RUFY1: variants seen among roughly 807,000 people sequenced by gnomAD.
RUFY1 encodes the protein RUN and FYVE domain-containing protein 1.
RUFY1 carries 54 observed loss-of-function variants against 94.6 expected under a neutral mutation model. The ratio of observed to expected loss-of-function variants is 0.57; its 90% CI spans 0.46 to 0.72. The LOEUF (loss-of-function observed/expected upper bound fraction) is 0.72, where lower values mean the gene tolerates loss of function less well. RUFY1 is among the 30% of genes least tolerant of loss of function. RUFY1 has a pLI of 0.00. For synonymous variants in RUFY1, 396 were observed against 347.3 expected, an observed-to-expected ratio of 1.14 and a Z score of -1.56; for missense variants, 883 against 883.9, an observed-to-expected ratio of 1.00 and a Z score of 0.01.
chr5:179,607,343 C>T, intron 16 of RUFY1: 1 of 548,618 alleles, frequency 1.8e-6, no homozygotes, highest in Non-Finnish European at 3.3e-6. Context: ...CTGGAGGCCC[C>T]AGGGCAGCCT....
chr5:179,595,316 A>G (rs1442587384), intron 12 of RUFY1, among the ~76,000 whole-genome samples: 1 of 152,216 alleles, frequency 6.6e-6, no homozygotes, highest in African/African-American at 2.4e-5. Flanking sequence ...CGTCTCTACT[A>G]AAAATACAAA....
chr5:179,602,015 C>T (rs761830137), intron 15 of RUFY1, 29 bp downstream of exon 15: 7 of 1,541,918 alleles, frequency 4.5e-6, no homozygotes, highest in Middle Eastern at 1.9e-4. Context: ...TTGTCTGCCA[C>T]TGCAGGCACA....
At position 179,585,557 on chromosome 5, in the gene RUFY1, C is replaced by T. The variant is rs576889870; in HGVS notation, c.957-239C>T. Among the ~76,000 whole-genome samples the T allele has an allele frequency of 1.1e-3, 164 of 152,226 alleles. 2 individuals carry two copies. The highest frequency in any genetic ancestry group is 3.2e-3 in the African/African-American group (131 of 41,552). ...TCACTCCACTGCACTCTAGTCTGGG[C>T]GACAGAGCGAGACTTTGCCTCAAAA... is the stretch of plus-strand genomic sequence containing the variant. On this transcript the variant is annotated intron_variant, in intron 7 of 17. Transcript: ENST00000319449.
chr5:179,559,003 A>T (rs894678930), intron 1 of RUFY1, among the ~76,000 whole-genome samples: 17 of 152,226 alleles, frequency 1.1e-4, no homozygotes, highest in African/African-American at 4.1e-4. Context: ...GAATAAACAG[A>T]AGTTATTTAA....
chr5:179,555,557 C>A (rs911124481), intron 1 of RUFY1: 1 of 366,560 alleles, frequency 2.7e-6, no homozygotes, highest in Non-Finnish European at 5.4e-6. Flanking sequence ...CCACCCAGCG[C>A]TGATTGCCTG....
chr5:179,552,370 A>AT (rs1761909640), intron 1 of RUFY1, among the ~76,000 whole-genome samples: 1 of 152,066 alleles, frequency 6.6e-6, no homozygotes, highest in Non-Finnish European at 1.5e-5. Context: ...AGGCTTCCTG[A>AT]TTCCTCCCCA....
At position 179,609,245 on chromosome 5, in the gene RUFY1, C is replaced by T. The variant is rs142269215; in HGVS notation, c.1984-131C>T. On this transcript the variant is annotated intron_variant, in intron 17 of 17. Coordinates refer to ENST00000319449, the MANE Select transcript of RUFY1 (RefSeq NM_025158.5). Reference sequence around the variant, plus strand: ...AAAAAAGACCCTTGTTTGCACACAGCCCCTCACCACCCCACAGAAACATAA... The same window carrying T: ...AAAAAAGACCCTTGTTTGCACACAGTCCCTCACCACCCCACAGAAACATAA... 1,464 of 840,046 alleles carry T rather than the reference C, an allele frequency of 1.7e-3. 15 individuals carry two copies. The African/African-American group carries it at 0.021, about 12-fold the overall frequency. 52.0% of individuals were successfully genotyped at this position (840,046 alleles called of 1,614,324 possible). A position where few individuals can be genotyped will look rare whatever the true frequency, so the allele number is the denominator to read the frequency against.
At chr5:179,554,192 A>C (rs922973644) in intron 1 of RUFY1, among the ~76,000 whole-genome samples, 2 of 152,192 alleles carry the variant, frequency 1.3e-5, no homozygotes, top group Non-Finnish European at 2.9e-5. Context: ...ATATTTTTTC[A>C]ATGGTAGAAG....
chr5:179,603,265 CA>C (rs11336898), intron 15 of RUFY1, among the ~76,000 whole-genome samples: 121,079 of 145,872 alleles, frequency 0.83, 50,131 homozygotes, highest in East Asian at 0.94. Flanking sequence ...GAATCCATCT[CA>C]AAAAAAAAAA....
intron 12 of RUFY1, 142 bp downstream of exon 12, chr5:179,595,105 G>T (rs1488500846): frequency 3.3e-6 from 2 of 611,890 alleles, no homozygotes; most frequent in Non-Finnish European, 5.8e-6. Context: ...CACTTTGGGA[G>T]GCCGACGCGG....
intron 11 of RUFY1, 96 bp from the exon 12 acceptor site, chr5:179,594,760 CAAAAAAAAAA>C (rs57540208): frequency 1.2e-4 from 41 of 333,742 alleles, no homozygotes; most frequent in East Asian, 2.1e-4. Context: ...GACTCTGTCT[CAAAAAAAAAA>C]AAAAAAAAAA....
intron 4 of RUFY1, chr5:179,568,887 G>A (rs941195282): frequency 3.0e-5 from 9 of 304,402 alleles, no homozygotes; most frequent in Non-Finnish European, 3.9e-5. Context: ...ATGTTGCTCC[G>A]TGGGACGCAA....
chr5:179,595,408 T>C (rs1765532274), intron 12 of RUFY1, among the ~76,000 whole-genome samples: 1 of 152,060 alleles, frequency 6.6e-6, no homozygotes, highest in African/African-American at 2.4e-5. Context: ...AACAGATACT[T>C]CATCAAAGAC....
At chr5:179,579,657 C>CTTTTTTTTTTTTTTTCTTTTTTTT (rs1763948353) in intron 6 of RUFY1, among the ~76,000 whole-genome samples, 1 of 50,546 alleles carries the variant, frequency 2.0e-5, no homozygotes, top group Non-Finnish European at 3.8e-5. Flanking sequence ...TTTTCTTCTT[C>CTTTTTTTTTTTTTTTCTTTTTTTT]TTTTTTTTTT....
At chr5:179,586,444 G>A (rs562981934) in intron 8 of RUFY1, 6 of 456,454 alleles carry the variant, frequency 1.3e-5, no homozygotes, top group Non-Finnish European at 1.8e-5. Context: ...TAGCAGGAGG[G>A]GGGTGCTCAG....
In RUFY1 at chr5:179,562,177, G is replaced by A. The variant is rs1762509666; in HGVS notation, c.485-370G>A. Among the ~76,000 whole-genome samples the A allele has an allele frequency of 2.6e-5, 4 of 151,768 alleles. No individual in the cohort carries two copies. The South Asian group carries it at 6.3e-4, about 24-fold the overall frequency. On this transcript the variant is annotated intron_variant, in intron 2 of 17. Coordinates refer to ENST00000319449, the MANE Select transcript of RUFY1 (RefSeq NM_025158.5). ...GCCTGTTATCCCAGCACTTTGGGAGGCCGAGGCGGGCAGATCACAAGGTCA... is the reference window on the plus strand; with the variant it reads ...GCCTGTTATCCCAGCACTTTGGGAGACCGAGGCGGGCAGATCACAAGGTCA...
chr5:179,599,026 A>C (rs1415039141), intron 14 of RUFY1, among the ~76,000 whole-genome samples: 1 of 152,230 alleles, frequency 6.6e-6, no homozygotes, highest in Non-Finnish European at 1.5e-5. Context: ...GCTCAGATAG[A>C]GGCAAGTGCC....
At chr5:179,591,944 G>C (rs982631337) in intron 10 of RUFY1, among the ~76,000 whole-genome samples, 8 of 151,476 alleles carry the variant, frequency 5.3e-5, no homozygotes, top group African/African-American at 1.9e-4. Flanking sequence ...AATATTTTTT[G>C]TTTGTTTGGG....
rs1211567377 is a variant in RUFY1, at chr5:179,594,964, G to A, written c.1511+1G>A. The A allele has an allele frequency of 6.3e-7, 1 of 1,591,020 alleles. No individual in the cohort carries two copies. The highest frequency in any genetic ancestry group is 1.1e-5 in the South Asian group (1 of 90,598). On this transcript the variant is annotated splice_donor_variant, in intron 12 of 17. Coordinates refer to ENST00000319449, the MANE Select transcript of RUFY1 (RefSeq NM_025158.5). LOFTEE classifies it high-confidence loss of function. ...CCAGCATGAAACAAATGGAAGAAAG[G>A]TAATCACTTCCCCCTGGCAGATATT...
Sources: gnomAD v4.1 joint callset for allele counts (sites outside exome capture counted in the v4.1 genomes callset) on GRCh38, gnomAD v4.1.1 for gene constraint, MANE v1.5 for transcripts, NCBI Gene and HGNC (gene_info 2026-07-23, HGNC 2026-07-21) for gene names.